Variants in ROBO1 observed in about 807,000 individuals in gnomAD.
ROBO1 encodes the protein roundabout guidance receptor 1, also known as roundabout homolog 1.
In ROBO1, 149 loss-of-function variants were observed where a neutral mutation model predicts 195.9. That is an observed-to-expected ratio of 0.76 (90% CI 0.67 to 0.87). The LOEUF is 0.87. ROBO1 is among the 40% of genes least tolerant of loss of function. ROBO1 has a pLI of 0.00. For synonymous variants in ROBO1, 816 were observed against 733.2 expected, an observed-to-expected ratio of 1.11 and a Z score of -1.82; for missense variants, 1,933 against 2,068.3, an observed-to-expected ratio of 0.93 and a Z score of 1.27.
At chr3:79,255,141 C>T (rs989290166) in intron 2 of ROBO1, among the ~76,000 whole-genome samples, 1 of 152,098 alleles carries the variant, frequency 6.6e-6, no homozygotes, top group African/African-American at 2.4e-5. Context: ...CATATAAAGC[C>T]AGGATGAAAA....
At chr3:78,729,182 T>G (rs2082232052) in intron 5 of ROBO1, among the ~76,000 whole-genome samples, 1 of 152,234 alleles carries the variant, frequency 6.6e-6, no homozygotes, top group Non-Finnish European at 1.5e-5. Context: ...GGTAGTTGGC[T>G]GTTTGCTGCT....
Position 78,636,137 on chromosome 3 carries a change from A to C in ROBO1, c.3038-29T>G, listed in dbSNP as rs373070988. On this transcript the variant is annotated intron_variant, in intron 22 of 30. Coordinates refer to ENST00000464233, the MANE Select transcript of ROBO1 (RefSeq NM_002941.4). The stretch of plus-strand genomic sequence containing the variant: ...TGTGCAATGGAGAGGAAAAGGAAAA[A>C]ATCATTCTGCGTGGTTATTCCTTTT... 3 of 1,499,674 alleles carry C rather than the reference A, an allele frequency of 2.0e-6. No individual in the cohort carries two copies. The East Asian group carries it at 6.9e-5, about 34-fold the overall frequency. 92.9% of individuals were successfully genotyped at this position (1,499,674 alleles called of 1,614,324 possible).
intron 4 of ROBO1, among the ~76,000 whole-genome samples, chr3:78,864,350 T>G (rs1283341877): frequency 6.6e-6 from 1 of 152,164 alleles, no homozygotes; most frequent in East Asian, 1.9e-4. Flanking sequence ...TTTGATGGAA[T>G]TTCTATATAA....
chr3:79,583,242 G>C (rs1467652744), intron 2 of ROBO1, among the ~76,000 whole-genome samples: 2 of 151,930 alleles, frequency 1.3e-5, no homozygotes, highest in Non-Finnish European at 2.9e-5. Context: ...TAGTTATTAA[G>C]TTTGAATTAA....
chr3:78,856,527 T>C (rs2034448556), intron 4 of ROBO1, among the ~76,000 whole-genome samples: 1 of 151,866 alleles, frequency 6.6e-6, no homozygotes, highest in Non-Finnish European at 1.5e-5. Flanking sequence ...CAATTAATTC[T>C]CTCAACATTT....
chr3:79,114,941 G>T (rs544759295), intron 3 of ROBO1, among the ~76,000 whole-genome samples: 5 of 152,274 alleles, frequency 3.3e-5, no homozygotes, highest in Admixed American at 2.6e-4. Context: ...GTGGTATGGT[G>T]CTTCTGGCAA....
chr3:79,113,236 G>A (rs893415175), intron 3 of ROBO1, among the ~76,000 whole-genome samples: 1 of 152,152 alleles, frequency 6.6e-6, no homozygotes, highest in African/African-American at 2.4e-5. Flanking sequence ...AAACACTAAT[G>A]TTCCATCAGT....
At chr3:78,732,987 AT>A (rs1292343662) in intron 5 of ROBO1, among the ~76,000 whole-genome samples, 2 of 152,164 alleles carry the variant, frequency 1.3e-5, no homozygotes, top group Non-Finnish European at 2.9e-5. Flanking sequence ...CAAGTGTACA[AT>A]TTATCATATT....
chr3:78,860,139 G>A (rs868359782), intron 4 of ROBO1, among the ~76,000 whole-genome samples: 17 of 141,992 alleles, frequency 1.2e-4, no homozygotes, highest in South Asian at 2.2e-4. Context: ...AGGTAGATAG[G>A]TAGATAGATA....
At chr3:78,676,753 A>C (rs1708460074) in intron 10 of ROBO1, among the ~76,000 whole-genome samples, 1 of 152,252 alleles carries the variant, frequency 6.6e-6, no homozygotes, top group South Asian at 2.1e-4. Flanking sequence ...AACACTCTGC[A>C]GGATATTATC....
intron 3 of ROBO1, among the ~76,000 whole-genome samples, chr3:79,113,923 C>A (rs1187969517): frequency 6.6e-6 from 1 of 152,190 alleles, no homozygotes; most frequent in Non-Finnish European, 1.5e-5. Flanking sequence ...ACCTAAATCT[C>A]ACCTTCAATT....
rs1706686633 is a variant in ROBO1, at chr3:78,651,915, G to A, written c.2629C>T (p.Pro877Ser). The A allele has an allele frequency of 6.2e-7, 1 of 1,611,904 alleles. No homozygotes were observed. Among genetic ancestry groups the A allele is most frequent in the Non-Finnish European group, 8.5e-7 (1 of 1,178,980 alleles). The change falls in exon 19 of 31, where the codon CCT becomes TCT. Residue 877 changes from proline to serine, a missense_variant. Around this residue, in one of 3 missense-constraint regions of ROBO1, gnomAD observed 1,737 missense variants for 1,882.5 expected, o/e 0.92. Coordinates refer to ENST00000464233, the MANE Select transcript of ROBO1 (RefSeq NM_002941.4). ...QFIQLDAHGN[P>S]VSPEDQVSLA... ...CTGACTTGGTCCTCAGGTGACACAG[G>A]GTTTCCATGGGCATCTGAAAAGTCA...
chr3:79,635,910 C>G (rs980659768), intron 1 of ROBO1, among the ~76,000 whole-genome samples: 3 of 152,092 alleles, frequency 2.0e-5, no homozygotes, highest in Non-Finnish European at 4.4e-5. Flanking sequence ...ATACATATAT[C>G]CTTCTTTATT....
chr3:78,767,873 C>G (rs1404732663), intron 4 of ROBO1, among the ~76,000 whole-genome samples: 5 of 151,866 alleles, frequency 3.3e-5, no homozygotes, highest in Non-Finnish European at 5.9e-5. Flanking sequence ...TTTAAAAGAA[C>G]TAGCTTTTGG....
chr3:78,996,587 C>T (rs962645737), intron 3 of ROBO1, among the ~76,000 whole-genome samples: 2 of 151,928 alleles, frequency 1.3e-5, no homozygotes, highest in African/African-American at 2.4e-5. Context: ...TAAATTTAGT[C>T]GACAAGGAAC....
rs980801891 is a variant in ROBO1 at position 79,766,889 on chromosome 3, G to A, written c.-51+863C>T. 3.9e-5 allele frequency among the ~76,000 whole-genome samples: 6 copies of A among 152,122 alleles called. No homozygotes were observed. The East Asian group carries it at 1.2e-3, about 30-fold the overall frequency. On this transcript the variant is annotated intron_variant, in intron 1 of 30. Coordinates refer to ENST00000464233, the MANE Select transcript of ROBO1 (RefSeq NM_002941.4). The stretch of plus-strand genomic sequence containing the variant: ...ACGCCACCAACTGGAGCGCTTCCTG[G>A]TTCGTCCCACTCGTGTGGTTTTTGT...
At chr3:78,830,936 G>T (rs2032133796) in intron 4 of ROBO1, among the ~76,000 whole-genome samples, 1 of 151,778 alleles carries the variant, frequency 6.6e-6, no homozygotes, top group African/African-American at 2.4e-5. Context: ...TTTTTGAGAT[G>T]GAGTCTCGCT....
rs56172715 is a variant in ROBO1, at chr3:79,756,556, A to G, written c.-51+11196T>C. Among the ~76,000 whole-genome samples, 405 of 111,844 alleles carry G rather than the reference A, an allele frequency of 3.6e-3. 1 individual carries two copies. The highest frequency in any genetic ancestry group is 0.011 in the African/African-American group (370 of 32,758). The allele number at this position is 111,844 out of a possible 152,430, so 73.4% of individuals were successfully genotyped here. On this transcript the variant is annotated intron_variant, in intron 1 of 30. Transcript: ENST00000464233. The stretch of plus-strand genomic sequence containing the variant: ...AATGAGCGAAGCACCATCTCAAAAA[A>G]AAAAAAAAAAAAAAAAAGTAGAGAT...
intron 4 of ROBO1, among the ~76,000 whole-genome samples, chr3:78,853,207 G>A (rs145310690): frequency 1.4e-4 from 21 of 151,968 alleles, no homozygotes; most frequent in Non-Finnish European, 2.4e-4. Flanking sequence ...AAGGAGGATG[G>A]AAGAAAAGGA....
Sources: allele counts gnomAD v4.1 joint callset (sites outside exome capture counted in the v4.1 genomes callset), GRCh38; gene constraint gnomAD v4.1.1; regional missense constraint gnomAD v4.1.1; transcripts MANE v1.5; gene names NCBI Gene and HGNC (gene_info 2026-07-23, HGNC 2026-07-21).